The following ATP2A2 variants were observed in gnomAD, a reference collection of about 807,000 sequenced individuals.
ATP2A2 encodes ATPase sarcoplasmic/endoplasmic reticulum Ca2+ transporting 2.
In ATP2A2, 14 loss-of-function variants were observed where a neutral mutation model predicts 109.3. That is an observed-to-expected ratio of 0.13 (90% CI 0.08 to 0.20). ATP2A2 has a LOEUF of 0.20. ATP2A2 is among the 10% of genes least tolerant of loss of function. The pLI, the probability that ATP2A2 is intolerant of heterozygous loss-of-function variation, is 1.00. For missense variants in ATP2A2, 657 were observed against 1,321.6 expected (o/e 0.50, Z 7.80); for synonymous variants, 506 against 490.9 (o/e 1.03, Z -0.41).
At position 110,339,214 on chromosome 12, in the gene ATP2A2, A is replaced by C; in HGVS notation, c.1420-67A>C. On this transcript the variant is annotated intron_variant, in intron 11 of 19. Coordinates refer to ENST00000539276, the MANE Select transcript of ATP2A2 (RefSeq NM_170665.4). This position sits in a 1 kb window ranked among gnomAD's most constrained non-coding sequence, Gnocchi z 4.4. ...CATCTGTCATGTAATAGGTGTGCTT[A>C]CTGCTTGTTAGGTAAAAAAGTTCAG... 5 of 1,595,176 alleles carry C rather than the reference A, an allele frequency of 3.1e-6. No homozygotes were observed. The highest frequency in any genetic ancestry group is 4.3e-6 in the Non-Finnish European group (5 of 1,165,306).
Position 110,348,341 on chromosome 12 carries a change from G to A in ATP2A2, c.*1871G>A, listed in dbSNP as rs990659182. Reference sequence around the variant, plus strand: ...GGGGATGTTAAAGCACAGTTAGTAGGACGTGGCTCTGCACAGCCCAAAAAC... The same window carrying A: ...GGGGATGTTAAAGCACAGTTAGTAGAACGTGGCTCTGCACAGCCCAAAAAC... On this transcript the variant is annotated 3_prime_UTR_variant, in exon 20 of 20. Transcript: ENST00000539276. 2 of 985,216 alleles carry A rather than the reference G, an allele frequency of 2.0e-6. No individual in the cohort carries two copies. Among genetic ancestry groups the A allele is most frequent in the South Asian group, 4.7e-5 (1 of 21,278 alleles). The allele number at this position is 985,216 out of a possible 1,614,324, so 61.0% of individuals were successfully genotyped here. A position where few individuals can be genotyped will look rare whatever the true frequency, so the allele number is the denominator to read the frequency against.
At position 110,281,664 on chromosome 12, in the gene ATP2A2, A is replaced by C; in HGVS notation, c.-126A>C. The C allele has an allele frequency of 6.0e-6, 3 of 503,396 alleles. No homozygotes were observed. The highest frequency in any genetic ancestry group is 4.0e-5 in the East Asian group (1 of 25,288). 31.2% of individuals were successfully genotyped at this position (503,396 alleles called of 1,614,324 possible). A position where few individuals can be genotyped will look rare whatever the true frequency, so the allele number is the denominator to read the frequency against. On this transcript the variant is annotated 5_prime_UTR_variant, in exon 1 of 20. Coordinates refer to ENST00000539276, the MANE Select transcript of ATP2A2 (RefSeq NM_170665.4). ...GCCCGGCGAGGCGGAAGCGGCCGCA[A>C]GAGGAGGAGGGGAGAGCCCGTCCGC...
At chr12:110,308,895 AGT>A (rs1339339113) in intron 5 of ATP2A2, among the ~76,000 whole-genome samples, 1 of 152,188 alleles carries the variant, frequency 6.6e-6, no homozygotes, top group African/African-American at 2.4e-5. Context: ...AAAACTGGAG[AGT>A]GTTGTAAACT....
chr12:110,328,063 A>T (rs1363525291), intron 8 of ATP2A2, 46 bp downstream of exon 8: 5 of 1,568,272 alleles, frequency 3.2e-6, no homozygotes, highest in Non-Finnish European at 4.4e-6. Flanking sequence ...TTCTTTGTTC[A>T]TCCTACCAAT....
chr12:110,328,288 A>AT (rs1877999160), intron 8 of ATP2A2, among the ~76,000 whole-genome samples: 1 of 151,282 alleles, frequency 6.6e-6, no homozygotes, highest in Non-Finnish European at 1.5e-5. Flanking sequence ...AAAAAAAAAA[A>AT]GCCTGGGCGC....
At chr12:110,318,527 G>A (rs1301107088) in intron 5 of ATP2A2, among the ~76,000 whole-genome samples, 1 of 152,178 alleles carries the variant, frequency 6.6e-6, no homozygotes, top group African/African-American at 2.4e-5. Flanking sequence ...CACCCAGGCT[G>A]GAGTGGCGCA....
Position 110,339,575 on chromosome 12 carries a change from G to A in ATP2A2, c.1615G>A (p.Gly539Arg), listed in dbSNP as rs1481612973. The part of the protein sequence containing the change: ...VGSTKVPMTS[G>R]VKQKIMSVIR... The stretch of plus-strand genomic sequence containing the variant: ...AAGTACTAAGGTTCCTATGACCTCT[G>A]GAGTCAAACAGAAGATCATGTCTGT... The change falls in exon 13 of 20, where the codon GGA becomes AGA. Residue 539 changes from glycine (G) to arginine (R), a missense_variant. Transcript: ENST00000539276. This position sits in a 1 kb window ranked among gnomAD's most constrained non-coding sequence, Gnocchi z 4.4. 6.2e-7 allele frequency: 1 copy of A among 1,614,166 alleles called. No homozygotes were observed. Among genetic ancestry groups the A allele is most frequent in the African/African-American group, 1.3e-5 (1 of 75,024 alleles).
At position 110,346,203 on chromosome 12, in the gene ATP2A2, C is replaced by T. The variant is rs1394719160; in HGVS notation, c.2862C>T (p.Leu954=). 3.1e-6 allele frequency: 5 copies of T among 1,614,190 alleles called. No individual in the cohort carries two copies. The highest frequency in any genetic ancestry group is 4.2e-6 in the Non-Finnish European group (5 of 1,180,036). ...FLILYVEPLP[L]IFQITPLNVT... ...GACACGTCTTCCCTGTGTGTCAGCTCATCTTCCAGATCACACCGCTGAACG... is the reference window on the plus strand; with the variant it reads ...GACACGTCTTCCCTGTGTGTCAGCTTATCTTCCAGATCACACCGCTGAACG... The change falls in exon 20 of 20, where the codon CTC becomes CTT. Residue 954 remains leucine (L), a splice_region_variant and synonymous_variant. Coordinates refer to ENST00000539276, the MANE Select transcript of ATP2A2 (RefSeq NM_170665.4).
chr12:110,336,742 T>C (rs1592855822), intron 11 of ATP2A2, among the ~76,000 whole-genome samples: 1 of 152,210 alleles, frequency 6.6e-6, no homozygotes, highest in African/African-American at 2.4e-5. Flanking sequence ...TTCAGTAAAC[T>C]GATGCACAAT....
At chr12:110,312,118 G>GC (rs1876142616) in intron 5 of ATP2A2, among the ~76,000 whole-genome samples, 1 of 152,142 alleles carries the variant, frequency 6.6e-6, no homozygotes, top group Admixed American at 6.6e-5. Context: ...GGTCAGGGCT[G>GC]CAGTGAGCTC....
rs559994367 is a variant in ATP2A2, at chr12:110,288,485, A to G, written c.220-3535A>G. Among the ~76,000 whole-genome samples, 89 of 151,198 alleles carry G rather than the reference A, an allele frequency of 5.9e-4. 1 individual carries two copies. Among genetic ancestry groups the G allele is most frequent in the Non-Finnish European group, 1.1e-3 (74 of 67,796 alleles). On this transcript the variant is annotated intron_variant, in intron 3 of 19. Transcript: ENST00000539276. ...AATGGCGCGATCTCGGCTCGCTGTA[A>G]CCTCTGCCTCCCGGGGTCAAGCGAT...
rs1880173405 is a variant in ATP2A2, at chr12:110,349,225, C to G, written c.*2755C>G. ...CCTCCTCAGGTCAACCCATAAAGAC[C>G]AGGTCCAGCACCGTGGTCTTGGCAC... On this transcript the variant is annotated 3_prime_UTR_variant, in exon 20 of 20. Transcript: ENST00000539276. The G allele has an allele frequency of 3.0e-6, 3 of 985,450 alleles. No individual in the cohort carries two copies. Among genetic ancestry groups the G allele is most frequent in the Non-Finnish European group, 3.6e-6 (3 of 830,026 alleles). The allele number at this position is 985,450 out of a possible 1,614,324, so 61.0% of individuals were successfully genotyped here. A position where few individuals can be genotyped will look rare whatever the true frequency, so the allele number is the denominator to read the frequency against.
At chr12:110,312,322 A>G (rs943062896) in intron 5 of ATP2A2, among the ~76,000 whole-genome samples, 2 of 152,184 alleles carry the variant, frequency 1.3e-5, no homozygotes, top group African/African-American at 2.4e-5. Flanking sequence ...TCAGTCTGAA[A>G]TGGGGCCTGA....
At position 110,342,671 on chromosome 12, in the gene ATP2A2, G is replaced by A. The variant is rs927192134; in HGVS notation, c.2318+223G>A. On this transcript the variant is annotated intron_variant, in intron 15 of 19. Coordinates refer to ENST00000539276, the MANE Select transcript of ATP2A2 (RefSeq NM_170665.4). The surrounding 1 kb of genome is among the most constrained non-coding windows in gnomAD (Gnocchi z 4.6). ...CAATGTGCAAAGAATCCTCTTTAAC[G>A]TGAGACTGAGCTAACATTAACCAGG... 1.3e-5 allele frequency among the ~76,000 whole-genome samples: 2 copies of A among 152,166 alleles called. No individual in the cohort carries two copies. Among genetic ancestry groups the A allele is most frequent in the African/African-American group, 2.4e-5 (1 of 41,448 alleles).
chr12:110,296,773 T>C (rs1199915867), intron 5 of ATP2A2, 36 bp downstream of exon 5: 1 of 1,606,304 alleles, frequency 6.2e-7, no homozygotes, highest in Non-Finnish European at 8.5e-7. Context: ...TTATTCTAGA[T>C]AGTATTTCTG....
chr12:110,342,148 T>A lies in ATP2A2; in HGVS notation c.2098-80T>A. The A allele has an allele frequency of 1.3e-6, 2 of 1,498,024 alleles. No homozygotes were observed. The highest frequency in any genetic ancestry group is 1.9e-6 in the Non-Finnish European group (2 of 1,075,048). The allele number at this position is 1,498,024 out of a possible 1,614,324, so 92.8% of individuals were successfully genotyped here. A position where few individuals can be genotyped will look rare whatever the true frequency, so the allele number is the denominator to read the frequency against. Reference sequence around the variant, plus strand: ...ACGGCTCTATTCATTTTCCTCCTGCTTCCCATTCAGTGGGCTTTTGCCTAG... The same window carrying A: ...ACGGCTCTATTCATTTTCCTCCTGCATCCCATTCAGTGGGCTTTTGCCTAG... On this transcript the variant is annotated intron_variant, in intron 14 of 19. Coordinates refer to ENST00000539276, the MANE Select transcript of ATP2A2 (RefSeq NM_170665.4). The surrounding 1 kb of genome is among the most constrained non-coding windows in gnomAD (Gnocchi z 4.6).
chr12:110,284,547 TTAA>T (rs1232912876), intron 3 of ATP2A2, among the ~76,000 whole-genome samples: 26 of 152,198 alleles, frequency 1.7e-4, no homozygotes, highest in African/African-American at 5.8e-4. Flanking sequence ...GCATTTTAAA[TTAA>T]TGATGTGTGT....
intron 4 of ATP2A2, among the ~76,000 whole-genome samples, chr12:110,293,519 C>T (rs752137455): frequency 6.6e-5 from 10 of 150,832 alleles, no homozygotes; most frequent in African/African-American, 2.0e-4. Flanking sequence ...CTCACCCTCC[C>T]GGGTAGCTGG....
In ATP2A2 at chr12:110,297,432, C is replaced by T. The variant is rs1340303865; in HGVS notation, c.463+695C>T. ...TCTTGATGACAGAGTGAGACTTCAT[C>T]TCAAAAAAAAAAAAAAAAAACAGTA... On this transcript the variant is annotated intron_variant, in intron 5 of 19. Transcript: ENST00000539276. Among the ~76,000 whole-genome samples the T allele has an allele frequency of 2.6e-4, 32 of 123,870 alleles. 1 individual carries two copies. The highest frequency in any genetic ancestry group is 8.1e-4 in the South Asian group (3 of 3,682). 81.3% of individuals were successfully genotyped at this position (123,870 alleles called of 152,430 possible).
Sources: gnomAD v4.1 joint callset for allele counts (sites outside exome capture counted in the v4.1 genomes callset) on GRCh38, gnomAD v4.1.1 for gene constraint, Gnocchi (gnomAD v3.1) non-coding constraint, MANE v1.5 for transcripts, NCBI Gene and HGNC (gene_info 2026-07-23, HGNC 2026-07-21) for gene names.